TAF4B: variants seen among roughly 807,000 people sequenced by gnomAD.
TAF4B encodes the protein transcription initiation factor TFIID subunit 4B.
A neutral mutation model predicts 86.4 loss-of-function variants in TAF4B; 38 were observed. That is an observed-to-expected ratio of 0.44 (90% CI 0.34 to 0.58). The LOEUF (loss-of-function observed/expected upper bound fraction) is 0.58. TAF4B is among the 20% of genes least tolerant of loss of function. TAF4B has a pLI of 0.02. For synonymous variants in TAF4B, 388 were observed against 391.2 expected (o/e 0.99, Z 0.10); for missense variants, 988 against 1,027.6 (o/e 0.96, Z 0.53).
chr18:26,346,196 C>T (rs911981054), intron 13 of TAF4B, among the ~76,000 whole-genome samples: 1 of 152,026 alleles, frequency 6.6e-6, no homozygotes, highest in East Asian at 1.9e-4. Context: ...AGAAATCCTA[C>T]AGCTGTAGAA....
Position 26,390,541 on chromosome 18 carries a change from T to C in TAF4B, c.*529T>C, listed in dbSNP as rs1278171035. On this transcript the variant is annotated 3_prime_UTR_variant, in exon 15 of 15. Transcript: ENST00000269142. The stretch of plus-strand genomic sequence containing the variant: ...GTGACTTTGGTCGGCTGAGTTCCAG[T>C]GTTGTCAAAACAAGACAAATGGGGA... The C allele has an allele frequency of 6.6e-6, 1 of 152,304 alleles. No homozygotes were observed. Among genetic ancestry groups the C allele is most frequent in the Admixed American group, 6.5e-5 (1 of 15,280 alleles). 9.4% of individuals were successfully genotyped at this position (152,304 alleles called of 1,614,324 possible).
At chr18:26,229,608 T>C (rs1222558876) in intron 1 of TAF4B, among the ~76,000 whole-genome samples, 5 of 151,168 alleles carry the variant, frequency 3.3e-5, no homozygotes, top group Non-Finnish European at 7.4e-5. Context: ...GTTCAAGCAA[T>C]TCTCCCGTCT....
At chr18:26,318,244 A>G (rs564811324) in intron 10 of TAF4B, among the ~76,000 whole-genome samples, 1 of 152,250 alleles carries the variant, frequency 6.6e-6, no homozygotes, top group South Asian at 2.1e-4. Context: ...TATGTTGCCC[A>G]GGTTGATCTT....
chr18:26,370,023 A>G (rs2057396546), intron 14 of TAF4B, among the ~76,000 whole-genome samples: 1 of 152,244 alleles, frequency 6.6e-6, no homozygotes, highest in Non-Finnish European at 1.5e-5. Flanking sequence ...TGTAGACAGT[A>G]GAAATTAAGT....
At chr18:26,267,748 A>G (rs1291658333) in intron 3 of TAF4B, 125 bp downstream of exon 3, 2 of 645,118 alleles carry the variant, frequency 3.1e-6, no homozygotes, top group African/African-American at 1.8e-5. Context: ...GTAATATATG[A>G]TGGCACTTAT....
At chr18:26,240,957 C>G (rs1183524662) in intron 1 of TAF4B, among the ~76,000 whole-genome samples, 1 of 152,088 alleles carries the variant, frequency 6.6e-6, no homozygotes, top group Non-Finnish European at 1.5e-5. Flanking sequence ...GGTGGAAAAC[C>G]TTTTGATGTG....
intron 1 of TAF4B, among the ~76,000 whole-genome samples, chr18:26,243,563 C>T (rs2055875680): frequency 2.0e-5 from 3 of 152,180 alleles, no homozygotes; most frequent in South Asian, 2.1e-4. Context: ...TATTACTGGT[C>T]GTCTGAAGCC....
chr18:26,229,962 A>AT (rs1555669568), intron 1 of TAF4B, among the ~76,000 whole-genome samples: 22 of 149,598 alleles, frequency 1.5e-4, no homozygotes, highest in African/African-American at 4.8e-4. Flanking sequence ...GTTTAAAAAA[A>AT]AAATATATAT....
chr18:26,328,886 G>T (rs1395036944), intron 12 of TAF4B, among the ~76,000 whole-genome samples: 2 of 152,018 alleles, frequency 1.3e-5, no homozygotes, highest in Non-Finnish European at 2.9e-5. Flanking sequence ...AAAGTTCTGG[G>T]ATTACAGGAC....
chr18:26,285,367 T>C (rs997550296), intron 6 of TAF4B, among the ~76,000 whole-genome samples: 3 of 151,850 alleles, frequency 2.0e-5, no homozygotes, highest in Admixed American at 1.3e-4. Flanking sequence ...TTTGTATTTT[T>C]TGTATAGATG....
At chr18:26,275,191 T>A in intron 5 of TAF4B, 138 bp downstream of exon 5, 1 of 971,280 alleles carries the variant, frequency 1.0e-6, no homozygotes, top group Non-Finnish European at 1.4e-6. Context: ...AGTCTCGCTC[T>A]GTTGCCCAAG....
At chr18:26,246,746 T>G (rs989504409) in intron 1 of TAF4B, among the ~76,000 whole-genome samples, 3 of 152,112 alleles carry the variant, frequency 2.0e-5, no homozygotes, top group Non-Finnish European at 2.9e-5. Flanking sequence ...TTGGCCAGGC[T>G]GGTCTCAAAC....
At chr18:26,304,382 A>G (rs1304080064) in intron 9 of TAF4B, among the ~76,000 whole-genome samples, 1 of 152,226 alleles carries the variant, frequency 6.6e-6, no homozygotes, top group Non-Finnish European at 1.5e-5. Context: ...AAAATAAAAT[A>G]CGGAATCTCA....
At chr18:26,244,309 G>T (rs1396471724) in intron 1 of TAF4B, among the ~76,000 whole-genome samples, 3 of 152,234 alleles carry the variant, frequency 2.0e-5, no homozygotes, top group African/African-American at 7.2e-5. Flanking sequence ...CTGCCGCCTT[G>T]CAGTTTGATC....
At chr18:26,227,706 T>C (rs531195659) in intron 1 of TAF4B, among the ~76,000 whole-genome samples, 10 of 152,252 alleles carry the variant, frequency 6.6e-5, no homozygotes, top group South Asian at 2.1e-4. Context: ...CAGTCTGGAG[T>C]GCAGTGACAC....
rs1230921949 is a variant in TAF4B, at chr18:26,315,094, A to AAC, written c.1833-134_1833-133dup. ...GACCTCTAATTCTTTTGCTCTCTGAAACTCTCTCTCTCTCTCTCTCTCTCT... is the reference window on the plus strand; with the variant it reads ...GACCTCTAATTCTTTTGCTCTCTGAAACACTCTCTCTCTCTCTCTCTCTCTCT... On this transcript the variant is annotated intron_variant, in intron 9 of 14. Transcript: ENST00000269142. The AAC allele has an allele frequency of 2.7e-4, 89 of 324,524 alleles. No individual in the cohort carries two copies. The African/African-American group carries it at 4.9e-3, about 18-fold the overall frequency. The allele number at this position is 324,524 out of a possible 1,614,324, so 20.1% of individuals were successfully genotyped here.
At chr18:26,358,159 C>T (rs1346398454) in intron 14 of TAF4B, among the ~76,000 whole-genome samples, 1 of 152,134 alleles carries the variant, frequency 6.6e-6, no homozygotes, top group East Asian at 1.9e-4. Flanking sequence ...CGAATCTGCC[C>T]TCTTACTTCT....
chr18:26,326,868 C>A, intron 11 of TAF4B, 147 bp from the exon 12 acceptor site: 2 of 906,494 alleles, frequency 2.2e-6, no homozygotes, highest in Non-Finnish European at 1.5e-6. Context: ...GGGATGTTTG[C>A]TTAATAGAAA....
Position 26,236,939 on chromosome 18 carries a change from A to G in TAF4B, c.343+9663A>G, listed in dbSNP as rs191344024. Among the ~76,000 whole-genome samples the G allele has an allele frequency of 6.0e-3, 916 of 152,284 alleles. 5 individuals are homozygous for G. Among genetic ancestry groups the G allele is most frequent in the Non-Finnish European group, 9.1e-3 (616 of 68,024 alleles). On this transcript the variant is annotated intron_variant, in intron 1 of 14. Coordinates refer to ENST00000269142, the MANE Select transcript of TAF4B (RefSeq NM_005640.3). The stretch of plus-strand genomic sequence containing the variant: ...CAAGGGTGTCGGGTGACAGGGGAGT[A>G]TATTTTCTTAAGGCCTCCCGTAGCC...
Sources: allele counts gnomAD v4.1 joint callset (sites outside exome capture counted in the v4.1 genomes callset), GRCh38; gene constraint gnomAD v4.1.1; transcripts MANE v1.5; gene names NCBI Gene and HGNC (gene_info 2026-07-23, HGNC 2026-07-21).